TADA1: variants seen among roughly 807,000 people sequenced by gnomAD.
TADA1 encodes transcriptional adaptor 1.
In TADA1, 23 loss-of-function variants were observed where a neutral mutation model predicts 39.3. The observed-to-expected ratio is 0.58, with a 90% CI of 0.42 to 0.83. The LOEUF (loss-of-function observed/expected upper bound fraction) is 0.83. TADA1 is among the 40% of genes least tolerant of loss of function. TADA1 has a pLI of 0.00. For synonymous variants in TADA1, 137 were observed against 151.8 expected (o/e 0.90, Z 0.72); for missense variants, 352 against 408.1 (o/e 0.86, Z 1.18).
At position 166,867,531 on chromosome 1, in the gene TADA1, TAAC is replaced by T. The variant is rs577194959; in HGVS notation, c.232+1911_232+1913del. On this transcript the variant is annotated intron_variant, in intron 3 of 7. Coordinates refer to ENST00000367874, the MANE Select transcript of TADA1 (RefSeq NM_053053.4). ...CAGGTGCTCACAGTTTACTACACAT[TAAC>T]AACGACTTCTTTGAGGGTCAAAGAA... Among the ~76,000 whole-genome samples the T allele has an allele frequency of 1.1e-4, 17 of 151,942 alleles. No individual in the cohort carries two copies. In the South Asian group the frequency reaches 1.3e-3, roughly 11 times the overall value.
intron 3 of TADA1, among the ~76,000 whole-genome samples, chr1:166,867,304 A>T (rs570303335): frequency 6.6e-6 from 1 of 152,324 alleles, no homozygotes; most frequent in East Asian, 1.9e-4. Flanking sequence ...AAGATTCACA[A>T]TATTGGCTTT....
At position 166,858,183 on chromosome 1, in the gene TADA1, G is replaced by C. The variant is rs1396150077; in HGVS notation, c.791C>G (p.Ser264Cys). 36 of 1,613,966 alleles carry C rather than the reference G, an allele frequency of 2.2e-5. No individual in the cohort carries two copies. The highest frequency in any genetic ancestry group is 3.1e-5 in the Non-Finnish European group (36 of 1,179,998). ...EQQAALLLACSGDTLPASLPP... is the reference protein window; with the variant it reads ...EQQAALLLACCGDTLPASLPP... ...CAAAGATGCAGGTAGAGTGTCTCCG[G>C]AGCATGCCAGCAGGAGTGCAGCCTG... Residue 264 changes from serine to cysteine, a missense_variant, in exon 7 of 8, where the codon TCC becomes TGC. Transcript: ENST00000367874.
intron 3 of TADA1, among the ~76,000 whole-genome samples, chr1:166,868,293 C>G (rs1484338911): frequency 6.6e-6 from 1 of 152,200 alleles, no homozygotes; most frequent in Non-Finnish European, 1.5e-5. Flanking sequence ...ACCCCCTCAA[C>G]ATGCTACTAT....
intron 6 of TADA1, among the ~76,000 whole-genome samples, chr1:166,859,508 G>A (rs1658360686): frequency 6.6e-6 from 1 of 152,056 alleles, no homozygotes; most frequent in African/African-American, 2.4e-5. Flanking sequence ...TCCCTTTGGG[G>A]GAAGTGGAGG....
chr1:166,867,381 G>A (rs1449268127), intron 3 of TADA1, among the ~76,000 whole-genome samples: 1 of 152,146 alleles, frequency 6.6e-6, no homozygotes, highest in East Asian at 1.9e-4. Flanking sequence ...AAAGAGGAAT[G>A]GCTAAAGTCT....
intron 1 of TADA1, among the ~76,000 whole-genome samples, chr1:166,874,909 G>A (rs1658731913): frequency 6.6e-6 from 1 of 152,108 alleles, no homozygotes; most frequent in Admixed American, 6.5e-5. Context: ...ATCTTGTTAG[G>A]ATGAAAAGTA....
intron 5 of TADA1, among the ~76,000 whole-genome samples, chr1:166,861,365 GTTA>G (rs1203626126): frequency 1.3e-5 from 2 of 152,178 alleles, no homozygotes; most frequent in East Asian, 1.9e-4. Flanking sequence ...TGGGACAACT[GTTA>G]TTATTTTTGA....
intron 3 of TADA1, among the ~76,000 whole-genome samples, chr1:166,867,396 G>C (rs1314607646): frequency 6.6e-6 from 1 of 152,112 alleles, no homozygotes; most frequent in Admixed American, 6.5e-5. Context: ...AAGTCTACTT[G>C]TATATAAATT....
In TADA1 at chr1:166,862,222, G is replaced by A. The variant is rs781488978; in HGVS notation, c.521C>T (p.Ala174Val). ...ACCAACCTCCACAGCATAGACAACA[G>A]CTGAAACAGCCTCCTCGGTGACATT... Reference protein sequence around the residue: ...LDNVTEEAVSAVVYAVENHLK... With the variant: ...LDNVTEEAVSVVVYAVENHLK... The change falls in exon 5 of 8, where the codon GCT (alanine) becomes GTT (valine). Residue 174 changes from alanine (A) to valine (V), a missense_variant. Transcript: ENST00000367874. The A allele has an allele frequency of 1.9e-6, 3 of 1,613,504 alleles. No individual in the cohort carries two copies. The Admixed American group carries it at 5.0e-5, about 27-fold the overall frequency.
chr1:166,869,912 G>GT (rs1203892901), intron 1 of TADA1, 58 bp from the exon 2 acceptor site: 24 of 1,453,340 alleles, frequency 1.7e-5, no homozygotes, highest in Non-Finnish European at 2.1e-5. Context: ...AGTTTTTTTT[G>GT]TTTGTTTTGT....
intron 2 of TADA1, 47 bp from the exon 3 acceptor site, chr1:166,869,557 A>G: frequency 6.3e-7 from 1 of 1,595,394 alleles, no homozygotes; most frequent in Non-Finnish European, 8.6e-7. Flanking sequence ...CATTTTCAAC[A>G]TAAGGAAACC....
rs573548028 is a variant in TADA1 at position 166,863,668 on chromosome 1, G to A, written c.330+156C>T. On this transcript the variant is annotated intron_variant, in intron 4 of 7. Coordinates refer to ENST00000367874, the MANE Select transcript of TADA1 (RefSeq NM_053053.4). ...AGAACTATAAAAATTCAGACACCTA[G>A]AACTCACAATCCTTGAAACGCTTTT... 7.4e-6 allele frequency: 5 copies of A among 672,774 alleles called. No homozygotes were observed. In the South Asian group the frequency reaches 9.2e-5, roughly 12 times the overall value. 41.7% of individuals were successfully genotyped at this position (672,774 alleles called of 1,614,324 possible). A position where few individuals can be genotyped will look rare whatever the true frequency, so the allele number is the denominator to read the frequency against.
intron 4 of TADA1, chr1:166,862,675 A>C: frequency 2.0e-6 from 1 of 506,514 alleles, no homozygotes; most frequent in Non-Finnish European, 3.6e-6. Flanking sequence ...TGGTGATCAC[A>C]GAATGTATGG....
intron 5 of TADA1, among the ~76,000 whole-genome samples, chr1:166,861,868 A>G (rs529034334): frequency 6.6e-6 from 1 of 152,244 alleles, no homozygotes; most frequent in African/African-American, 2.4e-5. Flanking sequence ...CAGTTAGGCA[A>G]GAGAGAGAGA....
At position 166,858,155 on chromosome 1, in the gene TADA1, A is replaced by C. The variant is rs1658325508; in HGVS notation, c.819T>G (p.Pro273=). The change falls in exon 7 of 8, where the codon CCT becomes CCG. Residue 273 remains proline, a synonymous_variant. Coordinates refer to ENST00000367874, the MANE Select transcript of TADA1 (RefSeq NM_053053.4). ...CAAAAAGATCGTACATGTTCACCGGAGGCAAAGATGCAGGTAGAGTGTCTC... is the reference window on the plus strand; with the variant it reads ...CAAAAAGATCGTACATGTTCACCGGCGGCAAAGATGCAGGTAGAGTGTCTC... ...CSGDTLPASL[P]PVNMYDLFEA... 3 of 1,614,210 alleles carry C rather than the reference A, an allele frequency of 1.9e-6. No individual in the cohort carries two copies. The highest frequency in any genetic ancestry group is 2.2e-5 in the East Asian group (1 of 44,882).
At chr1:166,871,012 A>C (rs1490706094) in intron 1 of TADA1, among the ~76,000 whole-genome samples, 1 of 152,158 alleles carries the variant, frequency 6.6e-6, no homozygotes, top group Non-Finnish European at 1.5e-5. Flanking sequence ...GGGAGTAGTC[A>C]TTTATATTTG....
chr1:166,870,665 CA>C (rs1658638111), intron 1 of TADA1, among the ~76,000 whole-genome samples: 1 of 152,100 alleles, frequency 6.6e-6, no homozygotes, highest in African/African-American at 2.4e-5. Flanking sequence ...TCCCTCTCTA[CA>C]AAAAATACAA....
chr1:166,872,253 T>C (rs1408299036), intron 1 of TADA1, among the ~76,000 whole-genome samples: 4 of 152,150 alleles, frequency 2.6e-5, no homozygotes, highest in Non-Finnish European at 5.9e-5. Context: ...AATGGTTTGG[T>C]GTTATCTTTC....
intron 4 of TADA1, among the ~76,000 whole-genome samples, chr1:166,863,567 A>G (rs1008848020): frequency 7.2e-5 from 11 of 152,220 alleles, no homozygotes; most frequent in Admixed American, 4.6e-4. Flanking sequence ...AACAGGAGAG[A>G]CAAAAGCATT....
Sources: gnomAD v4.1 joint callset for allele counts (sites outside exome capture counted in the v4.1 genomes callset) on GRCh38, gnomAD v4.1.1 for gene constraint, MANE v1.5 for transcripts, NCBI Gene and HGNC (gene_info 2026-07-23, HGNC 2026-07-21) for gene names.